Variants in MACROD2 observed in about 807,000 individuals in gnomAD.
MACROD2 encodes the protein mono-ADP ribosylhydrolase 2, also known as ADP-ribose glycohydrolase MACROD2.
MACROD2 carries 36 observed loss-of-function variants against 70.4 expected under a neutral mutation model. The ratio of observed to expected loss-of-function variants is 0.51; its 90% CI spans 0.39 to 0.68. The LOEUF is 0.68. Among genes scored for constraint, MACROD2 ranks in the 30% least tolerant of loss-of-function variants. The pLI is 0.00. For synonymous variants in MACROD2, 172 were observed against 178.8 expected, an observed-to-expected ratio of 0.96 and a Z score of 0.30; for missense variants, 496 against 538.4, an observed-to-expected ratio of 0.92 and a Z score of 0.78.
At chr20:14,282,163 A>G (rs988991993) in intron 3 of MACROD2, among the ~76,000 whole-genome samples, 4 of 152,148 alleles carry the variant, frequency 2.6e-5, no homozygotes, top group Non-Finnish European at 2.9e-5. Flanking sequence ...GTTGAATTAT[A>G]TAAGAAATTC....
chr20:15,087,420 AAATAT>A (rs2075757062), intron 5 of MACROD2, among the ~76,000 whole-genome samples: 1 of 152,074 alleles, frequency 6.6e-6, no homozygotes, highest in African/African-American at 2.4e-5. Context: ...GTTTGCATGG[AAATAT>A]AATATATAAT....
At chr20:15,849,275 G>T (rs2064269654) in intron 8 of MACROD2, among the ~76,000 whole-genome samples, 1 of 152,194 alleles carries the variant, frequency 6.6e-6, no homozygotes, top group South Asian at 2.1e-4. Context: ...TGAACGAAAA[G>T]ATTCTTTCTT....
At chr20:15,736,615 T>C (rs1200704394) in intron 8 of MACROD2, among the ~76,000 whole-genome samples, 3 of 152,184 alleles carry the variant, frequency 2.0e-5, no homozygotes, top group Admixed American at 6.5e-5. Flanking sequence ...CACATGAAGT[T>C]GAGTGGACAT....
chr20:14,807,648 C>G (rs1345555429), intron 5 of MACROD2, among the ~76,000 whole-genome samples: 1 of 152,010 alleles, frequency 6.6e-6, no homozygotes, highest in African/African-American at 2.4e-5. Context: ...TTCCTCTGAG[C>G]TAAAGGAGCA....
At chr20:15,610,558 A>G (rs2048953044) in intron 8 of MACROD2, among the ~76,000 whole-genome samples, 1 of 152,126 alleles carries the variant, frequency 6.6e-6, no homozygotes, top group African/African-American at 2.4e-5. Context: ...CCATCCAGAG[A>G]TGCATCCAGG....
intron 5 of MACROD2, among the ~76,000 whole-genome samples, chr20:14,790,149 CTTAT>C (rs533414862): frequency 6.6e-6 from 1 of 151,884 alleles, no homozygotes; most frequent in South Asian, 2.1e-4. Context: ...ATAAACACTT[CTTAT>C]TTGTTTAGAA....
intron 3 of MACROD2, among the ~76,000 whole-genome samples, chr20:14,117,043 G>A (rs911988865): frequency 1.4e-5 from 2 of 144,914 alleles, no homozygotes; most frequent in African/African-American, 2.6e-5. Flanking sequence ...CTCCAGCCTG[G>A]CGACAGAACA....
chr20:15,838,929 AG>A (rs1198825685), intron 8 of MACROD2, among the ~76,000 whole-genome samples: 3 of 152,118 alleles, frequency 2.0e-5, no homozygotes, highest in Non-Finnish European at 2.9e-5. Flanking sequence ...GACAGTTTGG[AG>A]GACGGCTTTG....
intron 6 of MACROD2, among the ~76,000 whole-genome samples, chr20:15,311,892 C>T (rs938158494): frequency 9.9e-5 from 15 of 152,082 alleles, no homozygotes; most frequent in East Asian, 1.9e-4. Context: ...ATGCAATATA[C>T]TCAGGCAGCA....
chr20:14,236,786 C>A (rs1317594814), intron 3 of MACROD2, among the ~76,000 whole-genome samples: 1 of 151,944 alleles, frequency 6.6e-6, no homozygotes, highest in African/African-American at 2.4e-5. Context: ...ATTCAATCTG[C>A]CTTCTTGTAT....
chr20:14,862,388 TATATAAATATATATATATAA>T, intron 5 of MACROD2, among the ~76,000 whole-genome samples: 1 of 19,426 alleles, frequency 5.1e-5, no homozygotes, highest in South Asian at 2.3e-3. Context: ...TATATAAATA[TATATAAATATATATATATAA>T]ATATATATAA....
intron 6 of MACROD2, among the ~76,000 whole-genome samples, chr20:15,334,397 A>G (rs1417955543): frequency 6.6e-6 from 1 of 151,666 alleles, no homozygotes; most frequent in Non-Finnish European, 1.5e-5. Context: ...AAAAGATTAC[A>G]TAGTGTGGTG....
intron 15 of MACROD2, among the ~76,000 whole-genome samples, chr20:16,009,698 A>T (rs947781046): frequency 3.9e-5 from 6 of 152,166 alleles, no homozygotes; most frequent in African/African-American, 1.4e-4. Flanking sequence ...TGGAGGTTGC[A>T]GTAAGCTGAG....
chr20:14,821,511 C>A (rs1332854299), intron 5 of MACROD2, among the ~76,000 whole-genome samples: 1 of 151,932 alleles, frequency 6.6e-6, no homozygotes, highest in Admixed American at 6.6e-5. Flanking sequence ...TTTCAAAGTT[C>A]CCAGATGATT....
chr20:14,555,488 A>T (rs528646860), intron 4 of MACROD2, among the ~76,000 whole-genome samples: 1 of 152,038 alleles, frequency 6.6e-6, no homozygotes, highest in African/African-American at 2.4e-5. Context: ...TGAGAGGTAC[A>T]TACTTTCATT....
At chr20:15,494,643 G>C (rs192397641) in intron 7 of MACROD2, among the ~76,000 whole-genome samples, 8 of 152,132 alleles carry the variant, frequency 5.3e-5, no homozygotes, top group Admixed American at 2.0e-4. Context: ...ATAGAAGTCA[G>C]AATAGTGGTT....
intron 8 of MACROD2, among the ~76,000 whole-genome samples, chr20:15,655,366 C>G (rs142070981): frequency 6.9e-6 from 1 of 145,286 alleles, no homozygotes; most frequent in Non-Finnish European, 1.5e-5. Flanking sequence ...GTTGATTTAC[C>G]GATAGAATAT....
chr20:14,732,810 CT>C (rs1372353692), intron 5 of MACROD2, among the ~76,000 whole-genome samples: 2 of 152,038 alleles, frequency 1.3e-5, no homozygotes, highest in Admixed American at 6.6e-5. Context: ...TTCTAGGCCC[CT>C]AGGAGTTCTT....
At chr20:15,885,628 A>C in intron 9 of MACROD2, 136 bp from the exon 10 acceptor site, 1 of 731,674 alleles carries the variant, frequency 1.4e-6, no homozygotes, top group Non-Finnish European at 2.0e-6. Context: ...AGACAACAGA[A>C]ATGCATGTTT....
Sources: gnomAD v4.1 joint callset for allele counts (sites outside exome capture counted in the v4.1 genomes callset) on GRCh38, gnomAD v4.1.1 for gene constraint, MANE v1.5 for transcripts, NCBI Gene and HGNC (gene_info 2026-07-23, HGNC 2026-07-21) for gene names.